The following CRIM1 variants were observed in gnomAD, a reference collection of about 807,000 sequenced individuals.
The protein encoded by CRIM1 is cysteine rich transmembrane BMP regulator 1.
In CRIM1, 32 loss-of-function variants were observed where a neutral mutation model predicts 116.4. The ratio of observed to expected loss-of-function variants is 0.27; its 90% CI spans 0.21 to 0.37. The LOEUF (loss-of-function observed/expected upper bound fraction) is 0.37. Ranked by LOEUF, CRIM1 falls within the 10% of genes least tolerant of loss-of-function variation. CRIM1 has a pLI of 1.00. For missense variants in CRIM1, 1,331 were observed against 1,354.8 expected, an observed-to-expected ratio of 0.98 and a Z score of 0.28; for synonymous variants, 590 against 509.2, an observed-to-expected ratio of 1.16 and a Z score of -2.13.
intron 1 of CRIM1, 95 bp from the exon 2 acceptor site, chr2:36,396,519 A>G: frequency 1.4e-6 from 1 of 709,618 alleles, no homozygotes; most frequent in South Asian, 2.8e-5. Context: ...TCAAAATTGA[A>G]TGTTAATCTT....
intron 13 of CRIM1, among the ~76,000 whole-genome samples, chr2:36,535,153 G>T (rs1181938111): frequency 7.1e-6 from 1 of 141,680 alleles, no homozygotes; most frequent in East Asian, 2.1e-4. Flanking sequence ...GAAGGAGAGA[G>T]GGGGAAGGAA....
Position 36,512,311 on chromosome 2 carries a change from A to C in CRIM1, c.1697A>C (p.Lys566Thr). The change falls in exon 10 of 17, where the codon AAA becomes ACA. Residue 566 changes from lysine to threonine, a missense_variant. Lys to Thr is a moderately conservative substitution (Grantham distance 78). Transcript: ENST00000280527. ...KHGCDICRCK[K>T]CPELSCSKIC... ...GGCTGTGACATCTGTCGCTGTAAGA[A>C]ATGTCCAGAGCTCTCATGCAGTAAG... 6.2e-7 allele frequency: 1 copy of C among 1,613,938 alleles called. No homozygotes were observed. Among genetic ancestry groups the C allele is most frequent in the Non-Finnish European group, 8.5e-7 (1 of 1,179,790 alleles).
intron 1 of CRIM1, among the ~76,000 whole-genome samples, chr2:36,384,718 T>C (rs1281465383): frequency 6.6e-6 from 1 of 152,148 alleles, no homozygotes; most frequent in Admixed American, 6.5e-5. Context: ...ATTTGCTTCT[T>C]TCTGGAGAGT....
intron 2 of CRIM1, among the ~76,000 whole-genome samples, chr2:36,425,371 T>C (rs1402268475): frequency 6.6e-6 from 1 of 152,246 alleles, no homozygotes; most frequent in African/African-American, 2.4e-5. Flanking sequence ...AGAATTTTCA[T>C]GTTAAAACTA....
intron 7 of CRIM1, among the ~76,000 whole-genome samples, chr2:36,493,041 A>G (rs896169264): frequency 1.3e-5 from 2 of 152,322 alleles, no homozygotes; most frequent in East Asian, 3.9e-4. Flanking sequence ...AAGAGAAACG[A>G]GAGACAGATA....
chr2:36,506,534 TG>T (rs1681437780), intron 8 of CRIM1, among the ~76,000 whole-genome samples: 1 of 152,088 alleles, frequency 6.6e-6, no homozygotes, highest in Admixed American at 6.5e-5. Context: ...CCGACAGCTG[TG>T]TCACGTTTTG....
intron 10 of CRIM1, 33 bp from the exon 11 acceptor site, chr2:36,513,523 A>C (rs1572902998): frequency 1.3e-6 from 2 of 1,587,834 alleles, no homozygotes; most frequent in Non-Finnish European, 8.6e-7. Flanking sequence ...TGCAGTAGCC[A>C]CTTCTTTACC....
At chr2:36,493,013 C>T (rs947578161) in intron 7 of CRIM1, among the ~76,000 whole-genome samples, 1 of 152,050 alleles carries the variant, frequency 6.6e-6, no homozygotes, top group East Asian at 1.9e-4. Flanking sequence ...ATTATTAAAG[C>T]CTGAAAGAAG....
At chr2:36,438,652 T>C (rs1675533763) in intron 2 of CRIM1, among the ~76,000 whole-genome samples, 1 of 152,082 alleles carries the variant, frequency 6.6e-6, no homozygotes, top group South Asian at 2.1e-4. Flanking sequence ...AGACATGCAG[T>C]GAGATAAGAC....
chr2:36,471,915 G>A (rs556845039), intron 5 of CRIM1, among the ~76,000 whole-genome samples: 9 of 152,138 alleles, frequency 5.9e-5, no homozygotes, highest in Non-Finnish European at 1.0e-4. Flanking sequence ...ACTTGCTTGA[G>A]CTGGTCTGGA....
intron 2 of CRIM1, among the ~76,000 whole-genome samples, chr2:36,417,639 T>C (rs1471497767): frequency 6.6e-6 from 1 of 152,064 alleles, no homozygotes; most frequent in Non-Finnish European, 1.5e-5. Context: ...AACAATAATA[T>C]GAAGATCCAG....
chr2:36,441,365 C>T lies in CRIM1; in HGVS notation c.613C>T (p.Pro205Ser), dbSNP rs1386808452. ...EGYAPPGECCPLPSRCVCNPA... is the reference protein window; with the variant it reads ...EGYAPPGECCSLPSRCVCNPA... ...TTATGCTCCTCCTGGGGAGTGCTGTCCCTTACCCAGCCGCTGCGTGTGCAA... is the reference window on the plus strand; with the variant it reads ...TTATGCTCCTCCTGGGGAGTGCTGTTCCTTACCCAGCCGCTGCGTGTGCAA... The change falls in exon 3 of 17, where the codon CCC becomes TCC. Residue 205 changes from proline (P) to serine (S), a missense_variant. Pro to Ser is a moderately conservative substitution (Grantham distance 74). Coordinates refer to ENST00000280527, the MANE Select transcript of CRIM1 (RefSeq NM_016441.3). 3.7e-6 allele frequency: 6 copies of T among 1,614,104 alleles called. No homozygotes were observed. The highest frequency in any genetic ancestry group is 5.1e-6 in the Non-Finnish European group (6 of 1,180,044).
chr2:36,522,306 C>T lies in CRIM1; in HGVS notation c.2421C>T (p.Tyr807=). The change falls in exon 13 of 17, where the codon TAC becomes TAT. Residue 807 remains tyrosine, a synonymous_variant. Coordinates refer to ENST00000280527, the MANE Select transcript of CRIM1 (RefSeq NM_016441.3). ...TGAGAAAAGGCCAGTGTTGTCCCTA[C>T]TGCATAGGTAAGACCAAGGAAAAAA... ...PVLRKGQCCP[Y]CIEDTIPKKV... 6.2e-7 allele frequency: 1 copy of T among 1,612,468 alleles called. No individual in the cohort carries two copies. Among genetic ancestry groups the T allele is most frequent in the Non-Finnish European group, 8.5e-7 (1 of 1,178,520 alleles).
At position 36,489,852 on chromosome 2, in the gene CRIM1, A is replaced by T. The variant is rs116197782; in HGVS notation, c.1373-9367A>T. On this transcript the variant is annotated intron_variant, in intron 7 of 16. Coordinates refer to ENST00000280527, the MANE Select transcript of CRIM1 (RefSeq NM_016441.3). ...ACACAGAGTCATTGTTTCGACCCACATTGGATTAGCTGATTACTAAGAGAT... is the reference window on the plus strand; with the variant it reads ...ACACAGAGTCATTGTTTCGACCCACTTTGGATTAGCTGATTACTAAGAGAT... Among the ~76,000 whole-genome samples the T allele has an allele frequency of 8.8e-3, 1,336 of 152,310 alleles. 17 individuals are homozygous for T. Among genetic ancestry groups the T allele is most frequent in the African/African-American group, 0.031 (1,287 of 41,572 alleles).
At chr2:36,492,013 T>A (rs913016016) in intron 7 of CRIM1, among the ~76,000 whole-genome samples, 23 of 152,060 alleles carry the variant, frequency 1.5e-4, no homozygotes, top group Non-Finnish European at 2.9e-4. Flanking sequence ...TAAAAAAAAA[T>A]TTTAATTTGT....
intron 1 of CRIM1, among the ~76,000 whole-genome samples, chr2:36,357,563 C>T (rs1367683636): frequency 6.6e-6 from 1 of 152,144 alleles, no homozygotes; most frequent in Non-Finnish European, 1.5e-5. Context: ...CGTCGGCCTT[C>T]AGGGTGCCTG....
intron 1 of CRIM1, chr2:36,369,162 A>T (rs1156779424): frequency 1.3e-5 from 2 of 152,258 alleles, no homozygotes; most frequent in South Asian, 4.1e-4. Context: ...CAGTAATGAG[A>T]ATCTGCATGC....
chr2:36,546,951 G>A, intron 15 of CRIM1, 33 bp from the exon 16 acceptor site: 1 of 1,244,268 alleles, frequency 8.0e-7, no homozygotes, highest in Non-Finnish European at 1.2e-6. Context: ...TTCTGGTTTA[G>A]GTAATAAATG....
chr2:36,548,522 T>C lies in CRIM1; in HGVS notation c.2935-3T>C, dbSNP rs1228965657. 3.2e-6 allele frequency: 5 copies of C among 1,552,678 alleles called. No homozygotes were observed. Among genetic ancestry groups the C allele is most frequent in the Non-Finnish European group, 4.3e-6 (5 of 1,155,866 alleles). On this transcript the variant is annotated splice_polypyrimidine_tract_variant and splice_region_variant and intron_variant, in intron 16 of 16. Transcript: ENST00000280527. Reference sequence around the variant, plus strand: ...TGGTTTTATTCCTCCTCTCATTAAATAGCCTTCTTCCTTAAATAATCAGCT... The same window carrying C: ...TGGTTTTATTCCTCCTCTCATTAAACAGCCTTCTTCCTTAAATAATCAGCT...
Sources: allele counts gnomAD v4.1 joint callset (sites outside exome capture counted in the v4.1 genomes callset), GRCh38; gene constraint gnomAD v4.1.1; transcripts MANE v1.5; gene names NCBI Gene and HGNC (gene_info 2026-07-23, HGNC 2026-07-21).